The following TFB2M variants were observed in gnomAD, a reference collection of about 807,000 sequenced individuals.
TFB2M encodes the protein transcription factor B2, mitochondrial, also known as dimethyladenosine transferase 2, mitochondrial.
In TFB2M, 44 loss-of-function variants were observed where a neutral mutation model predicts 41.3. The ratio of observed to expected loss-of-function variants is 1.07; its 90% CI spans 0.84 to 1.37. TFB2M has a LOEUF of 1.37. TFB2M is among the 40% of genes most tolerant of loss of function. TFB2M has a pLI of 0.00. For missense variants in TFB2M, 496 were observed against 490.2 expected, an observed-to-expected ratio of 1.01 and a Z score of -0.11; for synonymous variants, 188 against 176.8, an observed-to-expected ratio of 1.06 and a Z score of -0.50.
intron 5 of TFB2M, 127 bp downstream of exon 5, chr1:246,551,086 G>T: frequency 1.5e-6 from 1 of 680,144 alleles, no homozygotes; most frequent in Non-Finnish European, 2.6e-6. Flanking sequence ...AAGGTGAGAG[G>T]ATCACTTGAG....
At chr1:246,544,975 T>C (rs901554458) in intron 6 of TFB2M, among the ~76,000 whole-genome samples, 6 of 151,962 alleles carry the variant, frequency 3.9e-5, no homozygotes, top group Non-Finnish European at 5.9e-5. Context: ...CTGGCTAATT[T>C]TTTGTATTTT....
intron 3 of TFB2M, 152 bp downstream of exon 3, chr1:246,557,229 C>A: frequency 1.2e-6 from 1 of 813,546 alleles, no homozygotes; most frequent in Non-Finnish European, 1.9e-6. Context: ...ACCAGGATCG[C>A]GCCACTGCAC....
intron 7 of TFB2M, among the ~76,000 whole-genome samples, chr1:246,543,357 C>T (rs899111482): frequency 1.3e-5 from 2 of 152,118 alleles, no homozygotes; most frequent in Non-Finnish European, 2.9e-5. Flanking sequence ...ATGCATCAGC[C>T]CTACATACAA....
chr1:246,558,003 A>C (rs1253239646), intron 2 of TFB2M, among the ~76,000 whole-genome samples: 1 of 152,078 alleles, frequency 6.6e-6, no homozygotes, highest in African/African-American at 2.4e-5. Context: ...TTCTACCTCC[A>C]TAACTATGTA....
At chr1:246,544,923 A>T (rs1437923307) in intron 6 of TFB2M, among the ~76,000 whole-genome samples, 5 of 152,100 alleles carry the variant, frequency 3.3e-5, no homozygotes, top group Middle Eastern at 3.4e-3. Context: ...CTCCTGCCTC[A>T]GCCTCCCGAG....
chr1:246,566,170 A>G lies in TFB2M; in HGVS notation c.-32T>C, dbSNP rs1659666682. On this transcript the variant is annotated 5_prime_UTR_variant, in exon 1 of 8. Coordinates refer to ENST00000366514, the MANE Select transcript of TFB2M (RefSeq NM_022366.3). ...GTCTCTCAGGCCCGCTCCAAGAATC[A>G]CCTAGTGCAGCTACTACAGTGAACC... 1.3e-6 allele frequency: 2 copies of G among 1,586,970 alleles called. No homozygotes were observed. The highest frequency in any genetic ancestry group is 8.6e-7 in the Non-Finnish European group (1 of 1,162,492).
At chr1:246,543,848 G>A (rs1658927786) in intron 7 of TFB2M, among the ~76,000 whole-genome samples, 1 of 146,478 alleles carries the variant, frequency 6.8e-6, no homozygotes, top group South Asian at 2.1e-4. Flanking sequence ...AAATTAGCCG[G>A]GCGTGGTGGT....
At chr1:246,553,975 G>C (rs1050214484) in intron 4 of TFB2M, among the ~76,000 whole-genome samples, 1 of 152,212 alleles carries the variant, frequency 6.6e-6, no homozygotes, top group Non-Finnish European at 1.5e-5. Flanking sequence ...ACACAGTGTT[G>C]TCTTGGCCTA....
chr1:246,562,539 T>C (rs1659481874), intron 2 of TFB2M, among the ~76,000 whole-genome samples: 1 of 152,224 alleles, frequency 6.6e-6, no homozygotes, highest in Admixed American at 6.5e-5. Context: ...CCCGACCTTC[T>C]GTGACAGGCT....
At chr1:246,554,656 T>C (rs1344349549) in intron 4 of TFB2M, among the ~76,000 whole-genome samples, 2 of 152,194 alleles carry the variant, frequency 1.3e-5, no homozygotes, top group African/African-American at 4.8e-5. Context: ...TATTTCATTA[T>C]ATATTACAAT....
At position 246,548,594 on chromosome 1, in the gene TFB2M, G is replaced by C; in HGVS notation, c.809C>G (p.Ser270Ter). 3 of 1,613,024 alleles carry C rather than the reference G, an allele frequency of 1.9e-6. No individual in the cohort carries two copies. The highest frequency in any genetic ancestry group is 2.5e-6 in the Non-Finnish European group (3 of 1,179,614). ...CCCTTTCCGGGTGTATATATCAAAT[G>C]ATGACCAAGGCTCCTGGGGAAGAAA... ...IKVLHMEPWSSFDIYTRKGPL... is the reference protein window; with the variant it reads ...IKVLHMEPWS Residue 270 changes from serine to a stop codon, truncating the protein, a stop_gained, in exon 6 of 8, where the codon TCA becomes TGA. Transcript: ENST00000366514. LOFTEE classifies it high-confidence loss of function.
chr1:246,546,695 A>G (rs2102984313), intron 6 of TFB2M, among the ~76,000 whole-genome samples: 1 of 151,964 alleles, frequency 6.6e-6, no homozygotes, highest in East Asian at 1.9e-4. Context: ...AGTCCTTGCT[A>G]TATTCAAGAT....
intron 6 of TFB2M, among the ~76,000 whole-genome samples, chr1:246,547,884 G>A (rs545015409): frequency 6.6e-6 from 1 of 151,742 alleles, no homozygotes; most frequent in African/African-American, 2.4e-5. Flanking sequence ...CTAACTCCTG[G>A]GTAAAAATCA....
At chr1:246,547,946 ATT>A (rs10599398) in intron 6 of TFB2M, among the ~76,000 whole-genome samples, 52,465 of 134,624 alleles carry the variant, frequency 0.39, 10,049 homozygotes, top group Non-Finnish European at 0.47. Context: ...TAATATCACA[ATT>A]TTTTTTTTTT....
rs1297033719 is a variant in TFB2M, at chr1:246,540,933, G to C, written c.*98C>G. On this transcript the variant is annotated 3_prime_UTR_variant, in exon 8 of 8. Coordinates refer to ENST00000366514, the MANE Select transcript of TFB2M (RefSeq NM_022366.3). ...GCCTGGCTTGTGCAAGACAAGAACA[G>C]TTACCTTCTGCTGAAAGGATGTGAG... is the stretch of plus-strand genomic sequence containing the variant. 14 of 1,232,202 alleles carry C rather than the reference G, an allele frequency of 1.1e-5. No homozygotes were observed. Among genetic ancestry groups the C allele is most frequent in the Non-Finnish European group, 1.6e-5 (14 of 881,072 alleles). 76.3% of individuals were successfully genotyped at this position (1,232,202 alleles called of 1,614,324 possible).
intron 5 of TFB2M, among the ~76,000 whole-genome samples, chr1:246,550,553 C>T (rs574911547): frequency 3.9e-5 from 6 of 152,150 alleles, no homozygotes; most frequent in East Asian, 1.9e-4. Context: ...GAAGCAGTGA[C>T]GAGAACACGT....
rs1658832824 is a variant in TFB2M, at chr1:246,540,839, A to G, written c.*192T>C. Reference sequence around the variant, plus strand: ...TTAATTGAAGTTTTCATTTTATTCAATTGTGAATAAAATAGCAGACACTGT... The same window carrying G: ...TTAATTGAAGTTTTCATTTTATTCAGTTGTGAATAAAATAGCAGACACTGT... On this transcript the variant is annotated 3_prime_UTR_variant, in exon 8 of 8. Transcript: ENST00000366514. The G allele has an allele frequency of 8.4e-6, 4 of 478,936 alleles. No homozygotes were observed. Among genetic ancestry groups the G allele is most frequent in the Non-Finnish European group, 1.5e-5 (4 of 275,254 alleles). 29.7% of individuals were successfully genotyped at this position (478,936 alleles called of 1,614,324 possible).
chr1:246,564,568 TCTC>T, intron 1 of TFB2M, 134 bp from the exon 2 acceptor site: 1 of 697,512 alleles, frequency 1.4e-6, no homozygotes, highest in South Asian at 1.8e-5. Context: ...TAGATGTCAC[TCTC>T]CTTTTTACAT....
intron 4 of TFB2M, among the ~76,000 whole-genome samples, chr1:246,555,791 A>T (rs1026614212): frequency 4.6e-5 from 7 of 151,614 alleles, no homozygotes; most frequent in African/African-American, 1.7e-4. Flanking sequence ...GTATATATAT[A>T]CAATAGATTT....
Sources: allele counts gnomAD v4.1 joint callset (sites outside exome capture counted in the v4.1 genomes callset), GRCh38; gene constraint gnomAD v4.1.1; transcripts MANE v1.5; gene names NCBI Gene and HGNC (gene_info 2026-07-23, HGNC 2026-07-21).